Variants in DIP2C observed in about 807,000 individuals in gnomAD.
DIP2C encodes disco-interacting protein 2 homolog C.
A neutral mutation model predicts 192.4 loss-of-function variants in DIP2C; 33 were observed. The ratio of observed to expected loss-of-function variants is 0.17; its 90% CI spans 0.13 to 0.23. The LOEUF is 0.23. Ranked by LOEUF, DIP2C falls within the 10% of genes least tolerant of loss-of-function variation. The probability of loss-of-function intolerance (pLI) is 1.00; values close to 1 mark genes in which losing one functional copy is unlikely to be tolerated. For missense variants in DIP2C, 1,537 were observed against 2,110.1 expected (o/e 0.73, Z 5.32); for synonymous variants, 979 against 864.1 (o/e 1.13, Z -2.33).
chr10:417,644 C>A (rs924947931), intron 6 of DIP2C, among the ~76,000 whole-genome samples: 95 of 5,546 alleles, frequency 0.017, 3 homozygotes, highest in East Asian at 0.069. Context: ...TCGGATAGGC[C>A]TCCCTGTCCA....
rs1214483752 is a variant in DIP2C at position 279,031 on chromosome 10, G to GAA, written c.4419-1456_4419-1455dup. Among the ~76,000 whole-genome samples, 36 of 151,952 alleles carry GAA rather than the reference G, an allele frequency of 2.4e-4. 1 individual carries two copies. The highest frequency in any genetic ancestry group is 2.4e-3 in the Admixed American group (36 of 15,252). On this transcript the variant is annotated intron_variant, in intron 36 of 36. Coordinates refer to ENST00000280886, the MANE Select transcript of DIP2C (RefSeq NM_014974.3). ...CTAAGTGGGAGAGTAAGTCAGTTAG[G>GAA]AAAAAAACGCATATTTTATTCAGTA...
intron 1 of DIP2C, among the ~76,000 whole-genome samples, chr10:680,961 C>T (rs1027585055): frequency 1.6e-4 from 24 of 151,886 alleles, no homozygotes; most frequent in Non-Finnish European, 1.8e-4. Context: ...GGAATGCAGA[C>T]CCCAGTTGCA....
At chr10:489,191 C>T (rs1198545129) in intron 1 of DIP2C, among the ~76,000 whole-genome samples, 1 of 152,174 alleles carries the variant, frequency 6.6e-6, no homozygotes, top group Non-Finnish European at 1.5e-5. Flanking sequence ...GGAAAAAGTC[C>T]AGTTATTTTT....
chr10:332,119 T>C (rs1838858947), intron 29 of DIP2C, among the ~76,000 whole-genome samples: 5 of 152,084 alleles, frequency 3.3e-5, no homozygotes, highest in Admixed American at 2.6e-4. Flanking sequence ...ACTGGCTAAC[T>C]TAAAACTTTT....
chr10:329,387 T>TC (rs1349014307), intron 30 of DIP2C, 46 bp downstream of exon 30: 1 of 1,556,140 alleles, frequency 6.4e-7, no homozygotes, highest in East Asian at 2.3e-5. Context: ...TAGAAAGGAG[T>TC]CCCTGTGGGC....
chr10:580,809 A>G (rs1564226613), intron 1 of DIP2C, among the ~76,000 whole-genome samples: 1 of 152,240 alleles, frequency 6.6e-6, no homozygotes, highest in African/African-American at 2.4e-5. Flanking sequence ...AGCTAGTGAC[A>G]AAAACACAGT....
chr10:573,446 T>TCA (rs1462021959), intron 1 of DIP2C, among the ~76,000 whole-genome samples: 1 of 152,196 alleles, frequency 6.6e-6, no homozygotes, highest in Non-Finnish European at 1.5e-5. Context: ...TCGCCCTCTG[T>TCA]CAACAAGGCT....
chr10:531,179 G>A (rs1046668847), intron 1 of DIP2C, among the ~76,000 whole-genome samples: 4 of 152,096 alleles, frequency 2.6e-5, no homozygotes, highest in African/African-American at 9.7e-5. Context: ...GATGTTACAG[G>A]TTAACTCACT....
chr10:286,249 G>A (rs1955121290), intron 34 of DIP2C, 24 bp downstream of exon 34: 1 of 1,612,448 alleles, frequency 6.2e-7, no homozygotes, highest in Admixed American at 1.7e-5. Flanking sequence ...AAGTAACCTG[G>A]ATCTCGGAGG....
At chr10:562,487 T>TA (rs1849275387) in intron 1 of DIP2C, among the ~76,000 whole-genome samples, 1 of 152,258 alleles carries the variant, frequency 6.6e-6, no homozygotes, top group South Asian at 2.1e-4. Flanking sequence ...CCTGATACAT[T>TA]ACAGAATCTC....
intron 1 of DIP2C, among the ~76,000 whole-genome samples, chr10:587,379 C>CG (rs1564235705): frequency 6.6e-6 from 1 of 152,228 alleles, no homozygotes; most frequent in Non-Finnish European, 1.5e-5. Flanking sequence ...CGTGGGATGA[C>CG]GGGATCACAC....
chr10:626,476 G>A (rs1019173162), intron 1 of DIP2C, among the ~76,000 whole-genome samples: 9 of 149,618 alleles, frequency 6.0e-5, no homozygotes, highest in East Asian at 3.9e-4. Context: ...TCCGTCCCCC[G>A]TCCCCGGGGT....
intron 1 of DIP2C, among the ~76,000 whole-genome samples, chr10:491,600 T>TCC (rs1021368988): frequency 3.9e-5 from 6 of 152,108 alleles, no homozygotes; most frequent in African/African-American, 1.4e-4. Context: ...CACAGCAGGG[T>TCC]CCCCCATGGG....
chr10:439,329 C>T (rs761656421), intron 4 of DIP2C, among the ~76,000 whole-genome samples: 6 of 152,068 alleles, frequency 3.9e-5, no homozygotes, highest in South Asian at 2.1e-4. Context: ...GGCGTTCACT[C>T]CCTTGCCCAC....
At chr10:679,917 A>G (rs1831071169) in intron 1 of DIP2C, among the ~76,000 whole-genome samples, 1 of 152,228 alleles carries the variant, frequency 6.6e-6, no homozygotes, top group African/African-American at 2.4e-5. Flanking sequence ...GGAGGACCAC[A>G]TTGGAGGACA....
intron 8 of DIP2C, among the ~76,000 whole-genome samples, chr10:410,757 C>T (rs1965130648): frequency 6.6e-6 from 1 of 152,210 alleles, no homozygotes; most frequent in Non-Finnish European, 1.5e-5. Context: ...TAAGTTCATA[C>T]ACAAGCTAGT....
chr10:500,087 G>C (rs1228040823), intron 1 of DIP2C, among the ~76,000 whole-genome samples: 1 of 152,220 alleles, frequency 6.6e-6, no homozygotes, highest in Non-Finnish European at 1.5e-5. Context: ...AGCAAGCGCA[G>C]ACTCCTGCAA....
chr10:619,271 CA>C (rs779411350), intron 1 of DIP2C, among the ~76,000 whole-genome samples: 1 of 152,228 alleles, frequency 6.6e-6, no homozygotes, highest in Non-Finnish European at 1.5e-5. Flanking sequence ...CTTAGTGCCC[CA>C]AACAACACGA....
intron 1 of DIP2C, among the ~76,000 whole-genome samples, chr10:577,870 T>A (rs1588501755): frequency 6.6e-6 from 1 of 152,054 alleles, no homozygotes; most frequent in South Asian, 2.1e-4. Context: ...AAGAACCTTT[T>A]GGAAAGTTGG....
Sources: allele counts gnomAD v4.1 joint callset (sites outside exome capture counted in the v4.1 genomes callset), GRCh38; gene constraint gnomAD v4.1.1; transcripts MANE v1.5; gene names NCBI Gene and HGNC (gene_info 2026-07-23, HGNC 2026-07-21).